TRAPPC12: variants seen among roughly 807,000 people sequenced by gnomAD.
TRAPPC12 encodes trafficking protein particle complex subunit 12, also known as TPR repeat protein 15.
Under a neutral mutation model 69.2 loss-of-function variants are expected in TRAPPC12, and 61 were observed. The observed-to-expected ratio is 0.88, with a 90% CI of 0.72 to 1.09. The LOEUF (loss-of-function observed/expected upper bound fraction) is 1.09, where lower values mean the gene tolerates loss of function less well. Ranked by LOEUF, TRAPPC12 falls within the 50% of genes least tolerant of loss-of-function variation. The probability of loss-of-function intolerance (pLI) is 0.00; values close to 1 mark genes in which losing one functional copy is unlikely to be tolerated. For missense variants in TRAPPC12, 1,101 were observed against 1,016.4 expected (o/e 1.08, Z -1.13); for synonymous variants, 469 against 438.9 (o/e 1.07, Z -0.86).
intron 5 of TRAPPC12, among the ~76,000 whole-genome samples, chr2:3,439,879 C>T (rs1283069181): frequency 7.2e-6 from 1 of 139,738 alleles, no homozygotes; most frequent in Non-Finnish European, 1.5e-5. Context: ...AGATCTGTGT[C>T]TAGATTCATT....
intron 3 of TRAPPC12, among the ~76,000 whole-genome samples, chr2:3,409,846 A>G (rs140064781): frequency 2.6e-5 from 4 of 151,640 alleles, no homozygotes; most frequent in Non-Finnish European, 4.4e-5. Flanking sequence ...CACCACATCT[A>G]AATTAGAGAT....
intron 1 of TRAPPC12, among the ~76,000 whole-genome samples, 153 bp from the exon 2 acceptor site, chr2:3,387,467 A>G (rs527921293): frequency 2.6e-5 from 4 of 152,344 alleles, no homozygotes; most frequent in Non-Finnish European, 4.4e-5. Flanking sequence ...AAGGTGGTCA[A>G]TTTTATGTGT....
At chr2:3,474,364 G>A (rs913122264) in intron 9 of TRAPPC12, among the ~76,000 whole-genome samples, 2 of 152,210 alleles carry the variant, frequency 1.3e-5, no homozygotes, top group African/African-American at 2.4e-5. Context: ...GATGGCAGCT[G>A]AAGAGATGGT....
intron 6 of TRAPPC12, chr2:3,457,095 A>G (rs1665194269): frequency 4.3e-6 from 2 of 464,206 alleles, no homozygotes; most frequent in Non-Finnish European, 8.8e-6. Context: ...TGGTGCACAT[A>G]CACTGTGGAA....
chr2:3,459,743 T>G (rs1665383143), intron 7 of TRAPPC12, among the ~76,000 whole-genome samples: 1 of 152,160 alleles, frequency 6.6e-6, no homozygotes. Context: ...TGGAACACGG[T>G]GTAGCACTCC....
At chr2:3,433,929 C>T (rs35318179) in intron 5 of TRAPPC12, among the ~76,000 whole-genome samples, 41,834 of 151,730 alleles carry the variant, frequency 0.28, 5,941 homozygotes, top group East Asian at 0.41. Context: ...AGGAGAGAGA[C>T]GGGCCTCAGG....
intron 5 of TRAPPC12, among the ~76,000 whole-genome samples, chr2:3,440,641 G>A (rs1240178451): frequency 6.6e-6 from 1 of 152,054 alleles, no homozygotes; most frequent in Non-Finnish European, 1.5e-5. Flanking sequence ...CTTCTTCCCA[G>A]TCTGTGTACC....
Position 3,430,200 on chromosome 2 carries a change from G to A in TRAPPC12, c.1417+5537G>A, listed in dbSNP as rs187176914. 2.5e-3 allele frequency among the ~76,000 whole-genome samples: 379 copies of A among 152,022 alleles called. 1 individual carries two copies. Among genetic ancestry groups the A allele is most frequent in the Non-Finnish European group, 3.7e-3 (249 of 68,002 alleles). ...AACAATTAGGATCTTTCCACCTTTC[G>A]GCTATTATGAGCAATGGTGTTATGG... On this transcript the variant is annotated intron_variant, in intron 5 of 11. Coordinates refer to ENST00000324266, the MANE Select transcript of TRAPPC12 (RefSeq NM_016030.6).
intron 8 of TRAPPC12, 60 bp from the exon 9 acceptor site, chr2:3,465,537 C>T (rs369249661): frequency 3.0e-5 from 35 of 1,152,294 alleles, no homozygotes; most frequent in Admixed American, 1.2e-4. Context: ...CTCTTCTACA[C>T]GTGTGAAACC....
chr2:3,448,698 CGCGAGGG>C (rs1664673279), intron 6 of TRAPPC12, among the ~76,000 whole-genome samples: 2 of 147,092 alleles, frequency 1.4e-5, no homozygotes, highest in South Asian at 2.1e-4. Context: ...CAGCCGGTTA[CGCGAGGG>C]TAGGGCGTGG....
chr2:3,473,162 G>A (rs753544637), intron 9 of TRAPPC12, among the ~76,000 whole-genome samples: 5 of 150,204 alleles, frequency 3.3e-5, no homozygotes, highest in African/African-American at 7.6e-5. Context: ...GCAGGCCCTC[G>A]GGTTCTGCAG....
At chr2:3,464,793 G>A (rs747194672) in intron 8 of TRAPPC12, among the ~76,000 whole-genome samples, 11 of 152,256 alleles carry the variant, frequency 7.2e-5, no homozygotes, top group Non-Finnish European at 1.2e-4. Context: ...GACTGGGTCC[G>A]CTCAGCGTCC....
chr2:3,403,230 A>ATTTTTTTTT (rs35354979), intron 3 of TRAPPC12, among the ~76,000 whole-genome samples: 3 of 119,396 alleles, frequency 2.5e-5, no homozygotes, highest in African/African-American at 6.5e-5. Flanking sequence ...GATTTCACCA[A>ATTTTTTTTT]TTTTTTTTTT....
intron 7 of TRAPPC12, chr2:3,458,557 G>A: frequency 3.2e-6 from 2 of 625,072 alleles, no homozygotes; most frequent in Non-Finnish European, 4.0e-6. Context: ...TGTGCATGCT[G>A]TGGCATGTGG....
At chr2:3,461,963 G>A (rs888410639) in intron 8 of TRAPPC12, among the ~76,000 whole-genome samples, 4 of 152,264 alleles carry the variant, frequency 2.6e-5, no homozygotes, top group Non-Finnish European at 4.4e-5. Context: ...CCACCTGGCG[G>A]TCTGGGCGGT....
At position 3,388,403 on chromosome 2, in the gene TRAPPC12, CG is replaced by C; in HGVS notation, c.781del (p.Glu261AsnfsTer38). 6.2e-7 allele frequency: 1 copy of C among 1,603,474 alleles called. No homozygotes were observed. The highest frequency in any genetic ancestry group is 8.5e-7 in the Non-Finnish European group (1 of 1,175,076). The stretch of plus-strand genomic sequence containing the variant: ...CTGTGCCCGGGACCGAGGGGCGCCC[CG>C]AACCCGTGGCCATGCGAGGGCCCCA... ...LAVPGTEGRP[E>X]PVAMRGPQAA... On this transcript the variant is annotated frameshift_variant, in exon 2 of 12. Transcript: ENST00000324266. LOFTEE classifies it high-confidence loss of function.
intron 6 of TRAPPC12, among the ~76,000 whole-genome samples, chr2:3,453,731 TC>T (rs557197385): frequency 6.6e-6 from 1 of 152,214 alleles, no homozygotes; most frequent in Non-Finnish European, 1.5e-5. Context: ...AGGAGGAAAT[TC>T]CAGCCGCACC....
chr2:3,478,699 C>T, intron 10 of TRAPPC12, 147 bp from the exon 11 acceptor site: 1 of 630,572 alleles, frequency 1.6e-6, no homozygotes, highest in Non-Finnish European at 2.8e-6. Context: ...AAACGCAGCT[C>T]ACCGCCTCTA....
chr2:3,410,286 A>G lies in TRAPPC12; in HGVS notation c.1164+8393A>G, dbSNP rs543531252. 4.8e-4 allele frequency among the ~76,000 whole-genome samples: 73 copies of G among 152,380 alleles called. 1 individual carries two copies. Among genetic ancestry groups the G allele is most frequent in the Admixed American group, 9.1e-4 (14 of 15,308 alleles). On this transcript the variant is annotated intron_variant, in intron 3 of 11. Transcript: ENST00000324266. ...AATTATATTGGGAGAAACCGTAACAAGAGCATAAACATTTCTGCTTTCTAT... is the reference window on the plus strand; with the variant it reads ...AATTATATTGGGAGAAACCGTAACAGGAGCATAAACATTTCTGCTTTCTAT...
Sources: allele counts gnomAD v4.1 joint callset (sites outside exome capture counted in the v4.1 genomes callset), GRCh38; gene constraint gnomAD v4.1.1; transcripts MANE v1.5; gene names NCBI Gene and HGNC (gene_info 2026-07-23, HGNC 2026-07-21).